The following MECOM variants were observed in gnomAD, a reference collection of about 807,000 sequenced individuals.
The protein encoded by MECOM is MDS1 and EVI1 complex locus.
A neutral mutation model predicts 116.3 loss-of-function variants in MECOM; 13 were observed. The ratio of observed to expected loss-of-function variants is 0.11; its 90% confidence interval spans 0.07 to 0.18. MECOM has a LOEUF of 0.18. MECOM is among the 10% of genes least tolerant of loss of function. The pLI, the probability that MECOM is intolerant of heterozygous loss-of-function variation, is 1.00. For synonymous variants in MECOM, 528 were observed against 535.2 expected (o/e 0.99, Z 0.19); for missense variants, 1,299 against 1,509.0 (o/e 0.86, Z 2.31).
intron 2 of MECOM, among the ~76,000 whole-genome samples, chr3:169,247,991 C>T (rs1393270208): frequency 6.6e-6 from 1 of 152,166 alleles, no homozygotes; most frequent in African/African-American, 2.4e-5. Context: ...ATTTCTTCAT[C>T]TCTAAAATGA....
intron 2 of MECOM, among the ~76,000 whole-genome samples, chr3:169,353,350 A>C (rs1011823110): frequency 3.3e-5 from 5 of 151,970 alleles, no homozygotes; most frequent in Non-Finnish European, 5.9e-5. Flanking sequence ...AAAATCATTT[A>C]TACCAAAAAT....
intron 1 of MECOM, among the ~76,000 whole-genome samples, chr3:169,584,716 T>C (rs36063014): frequency 0.06 from 9,131 of 152,234 alleles, 379 homozygotes; most frequent in Non-Finnish European, 0.094. Flanking sequence ...CTAAAGAAAG[T>C]GGGACTTAAC....
intron 2 of MECOM, among the ~76,000 whole-genome samples, chr3:169,203,206 G>C (rs949727329): frequency 6.6e-6 from 1 of 152,114 alleles, no homozygotes; most frequent in African/African-American, 2.4e-5. Context: ...AAGCAACATG[G>C]AGATGAATAG....
At chr3:169,165,875 G>T (rs1353085517) in intron 2 of MECOM, among the ~76,000 whole-genome samples, 1 of 152,070 alleles carries the variant, frequency 6.6e-6, no homozygotes, top group Non-Finnish European at 1.5e-5. Flanking sequence ...TGTTTAGATA[G>T]CAGCTTTCAA....
At chr3:169,584,453 T>C (rs1765530265) in intron 1 of MECOM, among the ~76,000 whole-genome samples, 1 of 150,712 alleles carries the variant, frequency 6.6e-6, no homozygotes, top group Non-Finnish European at 1.5e-5. Flanking sequence ...TAGTCCCAGC[T>C]ACTCAGGAGG....
At chr3:169,319,928 A>T (rs888529902) in intron 2 of MECOM, among the ~76,000 whole-genome samples, 1 of 152,246 alleles carries the variant, frequency 6.6e-6, no homozygotes, top group African/African-American at 2.4e-5. Context: ...TTAGAGGTGG[A>T]GAAGGAGCTT....
At chr3:169,568,979 T>G (rs570465501) in intron 1 of MECOM, among the ~76,000 whole-genome samples, 1 of 152,172 alleles carries the variant, frequency 6.6e-6, no homozygotes, top group African/African-American at 2.4e-5. Context: ...AGGATCAAAT[T>G]CACACATATA....
chr3:169,480,867 T>C (rs1203402907), intron 1 of MECOM, among the ~76,000 whole-genome samples: 1 of 152,032 alleles, frequency 6.6e-6, no homozygotes. Context: ...AAAGATGCCA[T>C]TTTTCCTGGT....
chr3:169,429,607 C>T (rs539012853), intron 1 of MECOM, among the ~76,000 whole-genome samples: 44 of 152,258 alleles, frequency 2.9e-4, no homozygotes, highest in African/African-American at 8.2e-4. Flanking sequence ...CTTGAAAATT[C>T]GGCTCTAGAA....
chr3:169,119,525 G>C (rs1211988809), intron 7 of MECOM, among the ~76,000 whole-genome samples: 1 of 152,108 alleles, frequency 6.6e-6, no homozygotes, highest in Non-Finnish European at 1.5e-5. Flanking sequence ...CAGAATCTTC[G>C]ATAGCAGAAG....
At chr3:169,273,994 C>T (rs112869951) in intron 2 of MECOM, among the ~76,000 whole-genome samples, 4 of 150,958 alleles carry the variant, frequency 2.6e-5, no homozygotes, top group African/African-American at 9.8e-5. Flanking sequence ...TCACTGCAAC[C>T]TCTGCCTCCC....
At chr3:169,109,409 T>C (rs533921148) in intron 9 of MECOM, among the ~76,000 whole-genome samples, 1 of 133,236 alleles carries the variant, frequency 7.5e-6, no homozygotes, top group Admixed American at 8.4e-5. Context: ...ATGTATGCAT[T>C]CATGTATCTT....
chr3:169,530,492 T>C (rs1198655676), intron 1 of MECOM, among the ~76,000 whole-genome samples: 3 of 152,110 alleles, frequency 2.0e-5, no homozygotes, highest in African/African-American at 7.2e-5. Context: ...AGAGGAATTA[T>C]GGAGTCTCCC....
At chr3:169,257,993 G>A (rs1252700595) in intron 2 of MECOM, among the ~76,000 whole-genome samples, 1 of 152,208 alleles carries the variant, frequency 6.6e-6, no homozygotes, top group East Asian at 1.9e-4. Flanking sequence ...GGCCAAGGCA[G>A]GCGGATAACT....
At chr3:169,594,975 T>C (rs11717416) in intron 1 of MECOM, among the ~76,000 whole-genome samples, 15 of 151,904 alleles carry the variant, frequency 9.9e-5, no homozygotes, top group South Asian at 2.1e-4. Flanking sequence ...CTGTTTCTTT[T>C]AAGTGAATTG....
chr3:169,597,350 T>A (rs1429074553), intron 1 of MECOM, among the ~76,000 whole-genome samples: 1 of 151,840 alleles, frequency 6.6e-6, no homozygotes, highest in Admixed American at 6.6e-5. Flanking sequence ...TTGAGAAGAG[T>A]CCAATATTGT....
intron 1 of MECOM, among the ~76,000 whole-genome samples, chr3:169,562,180 A>C (rs1363465293): frequency 7.1e-6 from 1 of 140,762 alleles, no homozygotes; most frequent in Non-Finnish European, 1.5e-5. Context: ...AAGAAAGAAA[A>C]AAAAAAGATA....
chr3:169,291,900 A>G (rs1714632435), intron 2 of MECOM, among the ~76,000 whole-genome samples: 1 of 152,200 alleles, frequency 6.6e-6, no homozygotes, highest in South Asian at 2.1e-4. Context: ...ATAATACCAC[A>G]GGGAGCTGCA....
At chr3:169,454,780 T>A (rs1746199446) in intron 1 of MECOM, among the ~76,000 whole-genome samples, 1 of 152,174 alleles carries the variant, frequency 6.6e-6, no homozygotes, top group South Asian at 2.1e-4. Flanking sequence ...TTTAAAATAA[T>A]GGTCCTTCAC....
Sources: gnomAD v4.1 joint callset for allele counts (sites outside exome capture counted in the v4.1 genomes callset) on GRCh38, gnomAD v4.1.1 for gene constraint, MANE v1.5 for transcripts, NCBI Gene and HGNC (gene_info 2026-07-23, HGNC 2026-07-21) for gene names.